Variants in CADM1 observed in about 807,000 individuals in gnomAD.
CADM1 encodes TSLC-1.
Under a neutral mutation model 53.1 loss-of-function variants are expected in CADM1, and 15 were observed. The observed-to-expected ratio is 0.28, with a 90% CI of 0.19 to 0.44. The LOEUF (loss-of-function observed/expected upper bound fraction) is 0.44. Ranked by LOEUF, CADM1 falls within the 20% of genes least tolerant of loss-of-function variation. The pLI is 1.00. For missense variants in CADM1, 434 were observed against 611.3 expected (o/e 0.71, Z 3.06); for synonymous variants, 281 against 243.0 (o/e 1.16, Z -1.45).
chr11:115,308,966 C>A (rs1944463564), intron 1 of CADM1, among the ~76,000 whole-genome samples: 1 of 152,022 alleles, frequency 6.6e-6, no homozygotes, highest in South Asian at 2.1e-4. Context: ...CTATGTGTTA[C>A]ACAAAAGGTA....
intron 1 of CADM1, among the ~76,000 whole-genome samples, chr11:115,465,558 CATATAG>C (rs376553355): frequency 5.9e-5 from 9 of 152,140 alleles, no homozygotes; most frequent in African/African-American, 2.2e-4. Flanking sequence ...CCATGAAAAG[CATATAG>C]ATATAAAGAT....
At chr11:115,218,486 G>C (rs1007498386) in intron 5 of CADM1, among the ~76,000 whole-genome samples, 4 of 152,106 alleles carry the variant, frequency 2.6e-5, no homozygotes, top group African/African-American at 9.7e-5. Flanking sequence ...AAAACAACTG[G>C]GATATTTTGG....
intron 1 of CADM1, among the ~76,000 whole-genome samples, chr11:115,387,383 T>C (rs958001976): frequency 2.0e-5 from 3 of 151,592 alleles, no homozygotes; most frequent in African/African-American, 4.8e-5. Context: ...AAACCTAAAA[T>C]TGAAAGGAAA....
At chr11:115,393,569 A>AC (rs1181042652) in intron 1 of CADM1, among the ~76,000 whole-genome samples, 4 of 151,616 alleles carry the variant, frequency 2.6e-5, no homozygotes, top group African/African-American at 7.3e-5. Flanking sequence ...AAAAAAAAAA[A>AC]ACATAGAGGT....
chr11:115,263,114 G>T (rs1249835065), intron 1 of CADM1, among the ~76,000 whole-genome samples: 1 of 152,246 alleles, frequency 6.6e-6, no homozygotes, highest in African/African-American at 2.4e-5. Flanking sequence ...CCCCTTCATT[G>T]CATCATATCA....
At chr11:115,386,876 C>T (rs1946712342) in intron 1 of CADM1, among the ~76,000 whole-genome samples, 1 of 152,200 alleles carries the variant, frequency 6.6e-6, no homozygotes, top group Non-Finnish European at 1.5e-5. Context: ...GATATACCCA[C>T]TATTCAAAGA....
chr11:115,229,547 T>C (rs2134846144), intron 4 of CADM1, among the ~76,000 whole-genome samples: 1 of 152,332 alleles, frequency 6.6e-6, no homozygotes, highest in Middle Eastern at 3.4e-3. Context: ...ATGGTTTTTC[T>C]ATCTTAAAAC....
chr11:115,496,544 A>G (rs1024643719), intron 1 of CADM1, among the ~76,000 whole-genome samples: 3 of 152,312 alleles, frequency 2.0e-5, no homozygotes, highest in African/African-American at 7.2e-5. Flanking sequence ...AGAACAACCT[A>G]AAGACAAAAC....
At chr11:115,395,959 G>A (rs776828146) in intron 1 of CADM1, among the ~76,000 whole-genome samples, 5 of 152,100 alleles carry the variant, frequency 3.3e-5, no homozygotes, top group East Asian at 1.9e-4. Flanking sequence ...ATTGGTTCAT[G>A]ACATTCAAAG....
intron 1 of CADM1, among the ~76,000 whole-genome samples, chr11:115,433,538 T>C (rs986258711): frequency 3.9e-5 from 6 of 152,284 alleles, no homozygotes; most frequent in African/African-American, 1.4e-4. Context: ...TAACCCAAGC[T>C]GCTGGATGAA....
rs1296802578 is a variant in CADM1 at position 115,480,382 on chromosome 11, G to A, written c.124+23889C>T. Among the ~76,000 whole-genome samples, 3 of 152,174 alleles carry A rather than the reference G, an allele frequency of 2.0e-5. No individual in the cohort carries two copies. In the East Asian group the frequency reaches 5.8e-4, roughly 29 times the overall value. ...CAACAAAGAAAACCCTGAGCTGCAA[G>A]TCAGGCCTGGTCTTAGCCCTGGCCT... On this transcript the variant is annotated intron_variant, in intron 1 of 11. Transcript: ENST00000331581.
At chr11:115,305,014 A>G (rs916606703) in intron 1 of CADM1, among the ~76,000 whole-genome samples, 1 of 152,040 alleles carries the variant, frequency 6.6e-6, no homozygotes, top group African/African-American at 2.4e-5. Flanking sequence ...ACAATTCAAG[A>G]CTGCACAGAC....
chr11:115,408,269 T>C (rs1947368133), intron 1 of CADM1, among the ~76,000 whole-genome samples: 1 of 152,220 alleles, frequency 6.6e-6, no homozygotes, highest in African/African-American at 2.4e-5. Flanking sequence ...ATGTATTAAC[T>C]TTCCTCTGCC....
chr11:115,413,025 G>A, intron 1 of CADM1, among the ~76,000 whole-genome samples: 1 of 152,056 alleles, frequency 6.6e-6, no homozygotes, highest in East Asian at 1.9e-4. Context: ...ACATTTAAAA[G>A]TACCATTTCA....
intron 8 of CADM1, among the ~76,000 whole-genome samples, chr11:115,204,293 C>T (rs1565295912): frequency 6.6e-6 from 1 of 152,182 alleles, no homozygotes. Context: ...ATGGCACAGA[C>T]CAAAGTCCAC....
intron 3 of CADM1, among the ~76,000 whole-genome samples, chr11:115,238,264 T>C (rs575170473): frequency 8.5e-5 from 13 of 152,220 alleles, no homozygotes; most frequent in Admixed American, 2.0e-4. Flanking sequence ...TCTTGATCTT[T>C]GCTTCTGAAG....
intron 1 of CADM1, among the ~76,000 whole-genome samples, chr11:115,381,932 G>C (rs1946588938): frequency 6.6e-6 from 1 of 151,984 alleles, no homozygotes; most frequent in Non-Finnish European, 1.5e-5. Flanking sequence ...TGCAACCTCT[G>C]CCTCCCGGGT....
At chr11:115,461,473 G>C (rs561265236) in intron 1 of CADM1, among the ~76,000 whole-genome samples, 21 of 152,340 alleles carry the variant, frequency 1.4e-4, no homozygotes, top group African/African-American at 5.0e-4. Flanking sequence ...GAGGGAATAA[G>C]AAACTGACCC....
intron 1 of CADM1, among the ~76,000 whole-genome samples, chr11:115,423,687 A>G (rs971376465): frequency 6.6e-6 from 1 of 152,180 alleles, no homozygotes; most frequent in Non-Finnish European, 1.5e-5. Flanking sequence ...AGTAGAGGGG[A>G]ACTCTTGAAG....
Sources: gnomAD v4.1 joint callset for allele counts (sites outside exome capture counted in the v4.1 genomes callset) on GRCh38, gnomAD v4.1.1 for gene constraint, MANE v1.5 for transcripts, NCBI Gene and HGNC (gene_info 2026-07-23, HGNC 2026-07-21) for gene names.